The following PLPP1 variants were observed in gnomAD, a reference collection of about 807,000 sequenced individuals.
PLPP1 encodes lipid phosphate phosphohydrolase 1a.
Under a neutral mutation model 31.2 loss-of-function variants are expected in PLPP1, and 24 were observed. The ratio of observed to expected loss-of-function variants is 0.77; its 90% CI spans 0.56 to 1.08. PLPP1 has a LOEUF of 1.08. Among genes scored for constraint, PLPP1 ranks in the 50% least tolerant of loss-of-function variants. The probability of loss-of-function intolerance (pLI) is 0.00; values close to 1 mark genes in which losing one functional copy is unlikely to be tolerated. For missense variants in PLPP1, 319 were observed against 342.7 expected (o/e 0.93, Z 0.55); for synonymous variants, 146 against 126.3 (o/e 1.16, Z -1.05).
intron 3 of PLPP1, among the ~76,000 whole-genome samples, chr5:55,447,515 T>C (rs202207456): frequency 6.6e-6 from 1 of 152,216 alleles, no homozygotes; most frequent in East Asian, 1.9e-4. Flanking sequence ...GTTTCTACTT[T>C]CACAAAAACT....
chr5:55,448,784 T>C (rs932738702), intron 3 of PLPP1, among the ~76,000 whole-genome samples: 1 of 152,094 alleles, frequency 6.6e-6, no homozygotes, highest in African/African-American at 2.4e-5. Context: ...TGTCGCCCCA[T>C]GGTATCTGTG....
At chr5:55,490,606 T>C (rs1752868827) in intron 1 of PLPP1, among the ~76,000 whole-genome samples, 1 of 152,174 alleles carries the variant, frequency 6.6e-6, no homozygotes, top group African/African-American at 2.4e-5. Flanking sequence ...AGCATAATCT[T>C]AGTTTCAGCT....
At chr5:55,467,569 G>A (rs1752331626) in intron 3 of PLPP1, among the ~76,000 whole-genome samples, 2 of 150,762 alleles carry the variant, frequency 1.3e-5, no homozygotes, top group Non-Finnish European at 3.0e-5. Context: ...TATTATATAT[G>A]TTATCTGGCA....
chr5:55,522,811 T>C (rs985797209), intron 1 of PLPP1, among the ~76,000 whole-genome samples: 2 of 152,162 alleles, frequency 1.3e-5, no homozygotes, highest in African/African-American at 4.8e-5. Flanking sequence ...CTCCACCTCC[T>C]GGGTTCACGC....
intron 1 of PLPP1, among the ~76,000 whole-genome samples, chr5:55,483,524 T>C (rs923121460): frequency 6.6e-6 from 1 of 151,658 alleles, no homozygotes; most frequent in African/African-American, 2.4e-5. Flanking sequence ...ATACAAAAAT[T>C]AGCCAGGCAT....
intron 1 of PLPP1, among the ~76,000 whole-genome samples, chr5:55,511,821 G>T (rs1045866045): frequency 1.3e-5 from 2 of 151,010 alleles, no homozygotes; most frequent in South Asian, 2.1e-4. Flanking sequence ...CGGCTACCAC[G>T]CCCAGCTAAT....
intron 3 of PLPP1, among the ~76,000 whole-genome samples, chr5:55,447,168 T>C (rs1336745388): frequency 6.6e-6 from 1 of 152,232 alleles, no homozygotes; most frequent in African/African-American, 2.4e-5. Flanking sequence ...TAATCCTCCA[T>C]GTTACCAGAA....
intron 1 of PLPP1, among the ~76,000 whole-genome samples, chr5:55,493,837 G>A (rs553280864): frequency 1.3e-4 from 19 of 149,028 alleles, no homozygotes; most frequent in African/African-American, 4.2e-4. Context: ...CTGAGATCGC[G>A]CCACTGTACT....
chr5:55,487,772 C>G (rs1752804244), intron 1 of PLPP1, among the ~76,000 whole-genome samples: 1 of 152,046 alleles, frequency 6.6e-6, no homozygotes, highest in Non-Finnish European at 1.5e-5. Flanking sequence ...GAATTCCTTC[C>G]TGCACATTCA....
At position 55,534,530 on chromosome 5, in the gene PLPP1, G is replaced by T. The variant is rs1333889383; in HGVS notation, c.58+42C>A. ...CGGCTCTGCGCTAAAGCCCTCCCGG[G>T]ACAGCCGCACACGCCCCTCGGACCC... On this transcript the variant is annotated intron_variant, in intron 1 of 5. Transcript: ENST00000307259. 8 of 1,515,410 alleles carry T rather than the reference G, an allele frequency of 5.3e-6. No homozygotes were observed. In the Admixed American group the frequency reaches 8.3e-5, roughly 16 times the overall value. 93.9% of individuals were successfully genotyped at this position (1,515,410 alleles called of 1,614,324 possible).
At chr5:55,448,744 A>G (rs11749154) in intron 3 of PLPP1, among the ~76,000 whole-genome samples, 132,310 of 152,104 alleles carry the variant, frequency 0.87, 57,797 homozygotes, top group South Asian at 0.92. Flanking sequence ...CTCCGCACCC[A>G]GCCGATTCTA....
chr5:55,523,794 C>A (rs544240992), intron 1 of PLPP1, among the ~76,000 whole-genome samples: 1 of 152,318 alleles, frequency 6.6e-6, no homozygotes, highest in African/African-American at 2.4e-5. Flanking sequence ...TTTCCCCCAG[C>A]TCCTCCACGG....
chr5:55,425,248 T>G lies in PLPP1; in HGVS notation c.813A>C (p.Thr271=). Residue 271 remains threonine (T), a synonymous_variant, in exon 6 of 6, where the codon ACA becomes ACC. Transcript: ENST00000307259. ...EEDSHTTLHE[T]PTTGNHYPSN... ...TCGGATAGTGATTCCCAGTTGTTGGTGTTTCATGCAGAGTTGTATGAGAGT... is the reference window on the plus strand; with the variant it reads ...TCGGATAGTGATTCCCAGTTGTTGGGGTTTCATGCAGAGTTGTATGAGAGT... The G allele has an allele frequency of 6.2e-7, 1 of 1,613,940 alleles. No homozygotes were observed.
intron 3 of PLPP1, among the ~76,000 whole-genome samples, chr5:55,446,829 C>T (rs1303510620): frequency 6.6e-6 from 1 of 152,200 alleles, no homozygotes; most frequent in African/African-American, 2.4e-5. Context: ...TGCCACTCTT[C>T]GGGAGTTCTC....
At chr5:55,508,935 G>C (rs1219406473) in intron 1 of PLPP1, 1 of 154,080 alleles carries the variant, frequency 6.5e-6, no homozygotes, top group Admixed American at 6.5e-5. Context: ...GGAGAGCAGA[G>C]AACAACTAGA....
intron 3 of PLPP1, among the ~76,000 whole-genome samples, chr5:55,461,009 C>A (rs1045694905): frequency 6.6e-6 from 1 of 152,044 alleles, no homozygotes; most frequent in Non-Finnish European, 1.5e-5. Context: ...ACAGGTGAAA[C>A]CCTGTCTCTA....
intron 1 of PLPP1, among the ~76,000 whole-genome samples, chr5:55,497,473 A>C (rs1230546208): frequency 6.8e-6 from 1 of 147,570 alleles, no homozygotes; most frequent in Non-Finnish European, 1.5e-5. Flanking sequence ...GGCTGGTCTC[A>C]AACTCCTGGA....
At chr5:55,467,490 A>G (rs1049803672) in intron 3 of PLPP1, among the ~76,000 whole-genome samples, 1 of 151,730 alleles carries the variant, frequency 6.6e-6, no homozygotes, top group Non-Finnish European at 1.5e-5. Context: ...GTTTGACACC[A>G]GCCTAGGCAA....
At chr5:55,465,603 GGGCC>G (rs1204947485) in intron 3 of PLPP1, among the ~76,000 whole-genome samples, 1 of 152,114 alleles carries the variant, frequency 6.6e-6, no homozygotes, top group African/African-American at 2.4e-5. Context: ...AATTTGTGTT[GGGCC>G]GCATTCAAAG....
Sources: allele counts gnomAD v4.1 joint callset (sites outside exome capture counted in the v4.1 genomes callset), GRCh38; gene constraint gnomAD v4.1.1; transcripts MANE v1.5; gene names NCBI Gene and HGNC (gene_info 2026-07-23, HGNC 2026-07-21).